Variants in CRACR2A observed in about 807,000 individuals in gnomAD.
CRACR2A encodes EF-hand calcium-binding domain-containing protein 4B.
Under a neutral mutation model 90.5 loss-of-function variants are expected in CRACR2A, and 79 were observed. The ratio of observed to expected loss-of-function variants is 0.87; its 90% CI spans 0.73 to 1.05. CRACR2A has a LOEUF of 1.05. CRACR2A is among the 50% of genes least tolerant of loss of function. CRACR2A has a pLI of 0.00. For missense variants in CRACR2A, 823 were observed against 897.2 expected (o/e 0.92, Z 1.06); for synonymous variants, 338 against 356.7 (o/e 0.95, Z 0.59).
In CRACR2A at chr12:3,734,224, G is replaced by A. The variant is rs899554474; in HGVS notation, c.-386-1014C>T. ...TATCTCCTGACCTCGTGATCTGCCC[G>A]CCTCAGCCTCCCAAAGTGCTGGGAT... On this transcript the variant is annotated intron_variant, in intron 1 of 19. Coordinates refer to ENST00000440314, the MANE Select transcript of CRACR2A (RefSeq NM_001144958.2). 7.9e-5 allele frequency among the ~76,000 whole-genome samples: 12 copies of A among 151,706 alleles called. No individual in the cohort carries two copies. In the East Asian group the frequency reaches 1.2e-3, roughly 15 times the overall value.
intron 4 of CRACR2A, among the ~76,000 whole-genome samples, chr12:3,689,135 C>A (rs1398727991): frequency 6.6e-6 from 1 of 152,194 alleles, no homozygotes; most frequent in African/African-American, 2.4e-5. Flanking sequence ...ATGTCTTCTG[C>A]AAACAGGGAT....
intron 3 of CRACR2A, 48 bp from the exon 4 acceptor site, chr12:3,697,083 G>T: frequency 6.6e-7 from 1 of 1,505,596 alleles, no homozygotes. Context: ...GGGTTGGAGT[G>T]AGGCTGAAAA....
chr12:3,631,559 T>A (rs1219596119), intron 15 of CRACR2A, among the ~76,000 whole-genome samples: 1 of 152,220 alleles, frequency 6.6e-6, no homozygotes, highest in African/African-American at 2.4e-5. Flanking sequence ...CACTCCCAGC[T>A]GCCCCTCCCT....
At chr12:3,634,006 G>A (rs1174494477) in intron 14 of CRACR2A, among the ~76,000 whole-genome samples, 1 of 152,182 alleles carries the variant, frequency 6.6e-6, no homozygotes, top group Non-Finnish European at 1.5e-5. Flanking sequence ...GGGAGGCAGA[G>A]GCCAACCCTG....
At chr12:3,688,094 TTGTC>T (rs1945595921) in intron 4 of CRACR2A, among the ~76,000 whole-genome samples, 1 of 152,364 alleles carries the variant, frequency 6.6e-6, no homozygotes, top group East Asian at 1.9e-4. Context: ...TATTAGACCT[TTGTC>T]AGTGCATAGT....
intron 10 of CRACR2A, among the ~76,000 whole-genome samples, chr12:3,651,043 A>G (rs113002026): frequency 6.6e-6 from 1 of 152,376 alleles, no homozygotes; most frequent in Middle Eastern, 3.4e-3. Flanking sequence ...AGAGGTTCTA[A>G]AAGTGTATAC....
intron 18 of CRACR2A, among the ~76,000 whole-genome samples, chr12:3,617,928 GC>G (rs1363878380): frequency 6.6e-6 from 1 of 152,120 alleles, no homozygotes; most frequent in Non-Finnish European, 1.5e-5. Context: ...TTTTCACCCA[GC>G]CCCATGGGCT....
chr12:3,666,399 G>T (rs1399214453), intron 7 of CRACR2A, among the ~76,000 whole-genome samples: 1 of 151,930 alleles, frequency 6.6e-6, no homozygotes, highest in Non-Finnish European at 1.5e-5. Flanking sequence ...ACGCTCATGT[G>T]TACATCTGGT....
intron 10 of CRACR2A, among the ~76,000 whole-genome samples, chr12:3,651,985 C>A (rs886311249): frequency 6.6e-6 from 1 of 152,156 alleles, no homozygotes; most frequent in Non-Finnish European, 1.5e-5. Flanking sequence ...GCTCTCCGGG[C>A]CCCAGCATGC....
intron 2 of CRACR2A, among the ~76,000 whole-genome samples, chr12:3,718,099 C>T (rs1473621975): frequency 6.6e-6 from 1 of 152,182 alleles, no homozygotes; most frequent in Non-Finnish European, 1.5e-5. Context: ...GATAACAGCA[C>T]CTCTCATAAA....
At chr12:3,621,665 A>C (rs1002261149) in intron 17 of CRACR2A, among the ~76,000 whole-genome samples, 1 of 144,268 alleles carries the variant, frequency 6.9e-6, no homozygotes, top group Non-Finnish European at 1.5e-5. Flanking sequence ...AAAAAAAAAA[A>C]AAAAAAAAAA....
At chr12:3,630,804 G>A (rs1944363965) in intron 15 of CRACR2A, among the ~76,000 whole-genome samples, 1 of 152,182 alleles carries the variant, frequency 6.6e-6, no homozygotes, top group Non-Finnish European at 1.5e-5. Flanking sequence ...GGGGCAGGCA[G>A]GACGCCCCAG....
rs781403324 is a variant in CRACR2A, at chr12:3,746,305, G to A, written c.-387+6710C>T. On this transcript the variant is annotated intron_variant, in intron 1 of 19. Coordinates refer to ENST00000440314, the MANE Select transcript of CRACR2A (RefSeq NM_001144958.2). This position sits in a 1 kb window ranked among gnomAD's most constrained non-coding sequence, Gnocchi z 4.4. ...AGGTTTAGATGAGGTCATGAGGGTG[G>A]GGCCCTCATGATGGGATTAGTGCCC... Among the ~76,000 whole-genome samples, 2 of 151,714 alleles carry A rather than the reference G, an allele frequency of 1.3e-5. No individual in the cohort carries two copies. Among genetic ancestry groups the A allele is most frequent in the Non-Finnish European group, 2.9e-5 (2 of 67,928 alleles).
intron 12 of CRACR2A, among the ~76,000 whole-genome samples, chr12:3,643,894 AATATATATT>A (rs1179887062): frequency 1.1e-5 from 1 of 88,028 alleles, no homozygotes; most frequent in African/African-American, 3.7e-5. Context: ...ATTAATATAT[AATATATATT>A]ATATATATTT....
intron 2 of CRACR2A, chr12:3,728,086 T>C (rs1946299443): frequency 6.6e-6 from 1 of 152,198 alleles, no homozygotes; most frequent in African/African-American, 2.4e-5. Flanking sequence ...TACCTGTCTG[T>C]GGCCCTAGAC....
In CRACR2A at chr12:3,638,111, G is replaced by C; in HGVS notation, c.1602+13C>G. 6.5e-7 allele frequency: 1 copy of C among 1,532,866 alleles called. No individual in the cohort carries two copies. The highest frequency in any genetic ancestry group is 8.8e-7 in the Non-Finnish European group (1 of 1,134,318). The allele number at this position is 1,532,866 out of a possible 1,614,324, so 95.0% of individuals were successfully genotyped here. A position where few individuals can be genotyped will look rare whatever the true frequency, so the allele number is the denominator to read the frequency against. On this transcript the variant is annotated intron_variant, in intron 14 of 19. Coordinates refer to ENST00000440314, the MANE Select transcript of CRACR2A (RefSeq NM_001144958.2). ...AAGTGATGTGCATGAACCAAGGTAG[G>C]CTGTGCCCTTACCTTACACAGGGCT...
chr12:3,710,347 A>G (rs1228087201), intron 3 of CRACR2A, among the ~76,000 whole-genome samples: 2 of 152,192 alleles, frequency 1.3e-5, no homozygotes, highest in African/African-American at 4.8e-5. Flanking sequence ...ACAAAATACC[A>G]TAGACTGGAT....
At chr12:3,738,834 A>G (rs1241698314) in intron 1 of CRACR2A, among the ~76,000 whole-genome samples, 1 of 152,242 alleles carries the variant, frequency 6.6e-6, no homozygotes, top group Non-Finnish European at 1.5e-5. Flanking sequence ...CACCAAAGAC[A>G]AAGAGAGTGT....
chr12:3,663,537 C>T (rs371518945), intron 7 of CRACR2A, among the ~76,000 whole-genome samples: 8 of 152,320 alleles, frequency 5.3e-5, no homozygotes, highest in African/African-American at 1.9e-4. Context: ...CAAGGAGTTG[C>T]CTTGGGTTCC....
Sources: gnomAD v4.1 joint callset for allele counts (sites outside exome capture counted in the v4.1 genomes callset) on GRCh38, gnomAD v4.1.1 for gene constraint, Gnocchi (gnomAD v3.1) non-coding constraint, MANE v1.5 for transcripts, NCBI Gene and HGNC (gene_info 2026-07-23, HGNC 2026-07-21) for gene names.